Variants in NLE1 observed in about 807,000 individuals in gnomAD.
The protein encoded by NLE1 is notchless protein homolog 1.
A neutral mutation model predicts 62.8 loss-of-function variants in NLE1; 37 were observed. That is an observed-to-expected ratio of 0.59 (90% CI 0.45 to 0.78). The LOEUF (loss-of-function observed/expected upper bound fraction) is 0.78, where lower values mean the gene tolerates loss of function less well. NLE1 is among the 30% of genes least tolerant of loss of function. The probability of loss-of-function intolerance (pLI) is 0.00; values close to 1 mark genes in which losing one functional copy is unlikely to be tolerated. For synonymous variants in NLE1, 243 were observed against 253.0 expected (o/e 0.96, Z 0.37); for missense variants, 555 against 637.9 (o/e 0.87, Z 1.40).
rs183501037 is a variant in NLE1 at position 35,129,621 on chromosome 17, A to T, written c.*2816T>A. 1 of 1,614,096 alleles carries T rather than the reference A, an allele frequency of 6.2e-7. No individual in the cohort carries two copies. Among genetic ancestry groups the T allele is most frequent in the Non-Finnish European group, 8.5e-7 (1 of 1,180,010 alleles). On this transcript the variant is annotated 3_prime_UTR_variant, in exon 13 of 13. Coordinates refer to ENST00000442241, the MANE Select transcript of NLE1 (RefSeq NM_018096.5). ...TACTGCCTCAGTGTCCGTGCAGCCA[A>T]CACAGCTGGGGTGGGGAAGTGGTGC...
At chr17:35,138,499 A>C (rs2091923264) in intron 4 of NLE1, among the ~76,000 whole-genome samples, 1 of 152,122 alleles carries the variant, frequency 6.6e-6, no homozygotes, top group South Asian at 2.1e-4. Flanking sequence ...GCTGGAGTGC[A>C]GTGGTGCCAT....
chr17:35,134,523 C>G (rs547491112), intron 10 of NLE1, among the ~76,000 whole-genome samples: 1 of 152,084 alleles, frequency 6.6e-6, no homozygotes, highest in South Asian at 2.1e-4. Flanking sequence ...CCTCAGCCTC[C>G]GGGGTAACTG....
intron 10 of NLE1, 143 bp downstream of exon 10, chr17:35,135,106 T>C (rs2091900378): frequency 4.0e-6 from 3 of 757,168 alleles, no homozygotes; most frequent in Non-Finnish European, 4.6e-6. Context: ...AGCTGAGAGG[T>C]AGGGGGTCTG....
At chr17:35,137,778 T>C (rs1452968178) in intron 5 of NLE1, 36 bp downstream of exon 5, 8 of 1,318,542 alleles carry the variant, frequency 6.1e-6, no homozygotes, top group Non-Finnish European at 8.1e-6. Flanking sequence ...GAAGGCCCCC[T>C]TGAGTCTCTG....
In NLE1 at chr17:35,129,656, A is replaced by G. The variant is rs765367818; in HGVS notation, c.*2781T>C. The G allele has an allele frequency of 1.2e-6, 2 of 1,613,484 alleles. No homozygotes were observed. Among genetic ancestry groups the G allele is most frequent in the Non-Finnish European group, 1.7e-6 (2 of 1,179,836 alleles). On this transcript the variant is annotated 3_prime_UTR_variant, in exon 13 of 13. Transcript: ENST00000442241. ...GGTGGGGAAGTGGTGCAAGCCCTAC[A>G]AAGTGAGCCCTGGGAAAAGAGGGGC... is the stretch of plus-strand genomic sequence containing the variant.
chr17:35,130,570 C>A lies in NLE1; in HGVS notation c.*1867G>T. ...TGGCAGAGTGGTATGGGCACCCCAC[C>A]CCTGGGCTGGGGCCAAGGCTACATA... On this transcript the variant is annotated 3_prime_UTR_variant, in exon 13 of 13. Coordinates refer to ENST00000442241, the MANE Select transcript of NLE1 (RefSeq NM_018096.5). 2.1e-6 allele frequency: 2 copies of A among 937,110 alleles called. No homozygotes were observed. The highest frequency in any genetic ancestry group is 3.1e-6 in the Non-Finnish European group (2 of 642,778). The allele number at this position is 937,110 out of a possible 1,614,324, so 58.0% of individuals were successfully genotyped here.
chr17:35,132,987 G>A (rs1015814680), intron 12 of NLE1, among the ~76,000 whole-genome samples, 184 bp downstream of exon 12: 17 of 152,020 alleles, frequency 1.1e-4, no homozygotes, highest in South Asian at 2.1e-4. Flanking sequence ...CTGTTGTTCC[G>A]GTGGCCCTCC....
intron 2 of NLE1, 105 bp downstream of exon 2, chr17:35,141,874 A>G: frequency 1.5e-6 from 2 of 1,314,304 alleles, no homozygotes; most frequent in South Asian, 2.8e-5. Flanking sequence ...GGGTCACCAC[A>G]GTCCGTTAGC....
rs1027154019 is a variant in NLE1 at position 35,130,223 on chromosome 17, G to C, written c.*2214C>G. 8 of 1,585,460 alleles carry C rather than the reference G, an allele frequency of 5.0e-6. No individual in the cohort carries two copies. The African/African-American group carries it at 1.1e-4, about 21-fold the overall frequency. ...AAAAAAAAGGGGTGATAGAGACAGAGAGAGAGCCAGGTTCAGATCTGGGAA... is the reference window on the plus strand; with the variant it reads ...AAAAAAAAGGGGTGATAGAGACAGACAGAGAGCCAGGTTCAGATCTGGGAA... On this transcript the variant is annotated 3_prime_UTR_variant, in exon 13 of 13. Transcript: ENST00000442241.
In NLE1 at chr17:35,136,421, C is replaced by T. The variant is rs1345914904; in HGVS notation, c.905G>A (p.Arg302His). 12 of 1,614,158 alleles carry T rather than the reference C, an allele frequency of 7.4e-6. No homozygotes were observed. In the Middle Eastern group the frequency reaches 6.6e-4, roughly 89 times the overall value. Residue 302 changes from arginine to histidine, a missense_variant, in exon 8 of 13, where the codon CGC becomes CAC. Transcript: ENST00000442241. The part of the protein sequence containing the change: ...TMALSTDYAL[R>H]TGAFEPAEAS... ...CTCAGCAGGTTCAAAGGCCCCAGTG[C>T]GCAGGGCATAGTCAGTGCTGAGGGC... is the stretch of plus-strand genomic sequence containing the variant.
chr17:35,134,359 A>G (rs1327181405), intron 10 of NLE1, among the ~76,000 whole-genome samples: 2 of 151,980 alleles, frequency 1.3e-5, no homozygotes, highest in African/African-American at 4.8e-5. Context: ...CTACCTCTTC[A>G]GCAGCTAGCT....
At chr17:35,133,911 A>G (rs985906635) in intron 10 of NLE1, among the ~76,000 whole-genome samples, 2 of 152,152 alleles carry the variant, frequency 1.3e-5, no homozygotes, top group Non-Finnish European at 2.9e-5. Flanking sequence ...TGGACAAACC[A>G]TCAGGCCTCT....
chr17:35,136,110 T>A, intron 9 of NLE1, 59 bp downstream of exon 9: 1 of 1,563,172 alleles, frequency 6.4e-7, no homozygotes, highest in Non-Finnish European at 8.8e-7. Context: ...GAGAGGGTTT[T>A]AGTGATTGGC....
rs530581210 is a variant in NLE1, at chr17:35,130,215, G to C, written c.*2222C>G. The stretch of plus-strand genomic sequence containing the variant: ...GCAGACAGAAAAAAAAGGGGTGATA[G>C]AGACAGAGAGAGAGCCAGGTTCAGA... On this transcript the variant is annotated 3_prime_UTR_variant, in exon 13 of 13. Coordinates refer to ENST00000442241, the MANE Select transcript of NLE1 (RefSeq NM_018096.5). 9 of 1,568,482 alleles carry C rather than the reference G, an allele frequency of 5.7e-6. No homozygotes were observed. In the African/African-American group the frequency reaches 8.2e-5, roughly 14 times the overall value.
intron 7 of NLE1, among the ~76,000 whole-genome samples, 177 bp downstream of exon 7, chr17:35,136,824 C>T (rs1350354267): frequency 6.6e-6 from 1 of 152,132 alleles, no homozygotes; most frequent in African/African-American, 2.4e-5. Context: ...TCTGCAATCT[C>T]CACTATGGTG....
rs112425142 is a variant in NLE1, at chr17:35,132,515, C to T, written c.1446-66G>A. 599 of 1,276,188 alleles carry T rather than the reference C, an allele frequency of 4.7e-4. 1 individual carries two copies. The highest frequency in any genetic ancestry group is 4.9e-4 in the Non-Finnish European group (479 of 986,850). 79.1% of individuals were successfully genotyped at this position (1,276,188 alleles called of 1,614,324 possible). Reference sequence around the variant, plus strand: ...TAGGAAAGGGAGGCCGTCATATAATCCCAGTGTCAACAGACGGACGGCCTG... The same window carrying T: ...TAGGAAAGGGAGGCCGTCATATAATTCCAGTGTCAACAGACGGACGGCCTG... On this transcript the variant is annotated intron_variant, in intron 12 of 12. Coordinates refer to ENST00000442241, the MANE Select transcript of NLE1 (RefSeq NM_018096.5).
intron 3 of NLE1, 125 bp from the exon 4 acceptor site, chr17:35,139,439 C>T (rs1018819487): frequency 1.5e-5 from 11 of 747,548 alleles, no homozygotes; most frequent in Non-Finnish European, 2.1e-5. Flanking sequence ...AAAGACAATA[C>T]TGATGCTGTC....
At chr17:35,137,732 A>G (rs562708687) in intron 5 of NLE1, 82 bp downstream of exon 5, 236 of 555,700 alleles carry the variant, frequency 4.2e-4, no homozygotes, top group Non-Finnish European at 7.3e-4. Flanking sequence ...AACCCTCCCC[A>G]AAGACTCCTG....
intron 9 of NLE1, among the ~76,000 whole-genome samples, 185 bp from the exon 10 acceptor site, chr17:35,135,636 CA>C (rs1393476327): frequency 3.8e-4 from 58 of 151,812 alleles, no homozygotes; most frequent in Non-Finnish European, 6.9e-4. Flanking sequence ...TCACTTCATC[CA>C]AAAGGAAAAA....
Sources: allele counts gnomAD v4.1 joint callset (sites outside exome capture counted in the v4.1 genomes callset), GRCh38; gene constraint gnomAD v4.1.1; transcripts MANE v1.5; gene names NCBI Gene and HGNC (gene_info 2026-07-23, HGNC 2026-07-21).